The following NSUN7 variants were observed in gnomAD, a reference collection of about 807,000 sequenced individuals.
NSUN7 encodes the protein NOP2/Sun RNA methyltransferase family member 7.
Under a neutral mutation model 58.5 loss-of-function variants are expected in NSUN7, and 39 were observed. The observed-to-expected ratio is 0.67, with a 90% confidence interval of 0.52 to 0.87. The LOEUF is 0.87. NSUN7 is among the 40% of genes least tolerant of loss of function. The pLI is 0.00. For missense variants in NSUN7, 765 were observed against 844.1 expected, an observed-to-expected ratio of 0.91 and a Z score of 1.16; for synonymous variants, 278 against 303.7, an observed-to-expected ratio of 0.92 and a Z score of 0.88.
Position 40,810,943 on chromosome 4 carries a change from G to GA in NSUN7, c.*2008dup, listed in dbSNP as rs1268512294. ...TTCGGGCCCTCCACCATACCAGACT[G>GA]AAAAGTATTCCATTGTCCAGAAGTA... On this transcript the variant is annotated 3_prime_UTR_variant, in exon 12 of 12. Transcript: ENST00000381782. The GA allele has an allele frequency of 1.3e-5, 2 of 152,112 alleles. No individual in the cohort carries two copies. The highest frequency in any genetic ancestry group is 4.8e-5 in the African/African-American group (2 of 41,428). 9.4% of individuals were successfully genotyped at this position (152,112 alleles called of 1,614,324 possible).
At position 40,750,585 on chromosome 4, in the gene NSUN7, C is replaced by T; in HGVS notation, c.-91-18C>T. ...TGCAGAAAGAGTGATTTACTGCAAT[C>T]ACCTTCTCTCTTCACAGAGACCATG... is the stretch of plus-strand genomic sequence containing the variant. On this transcript the variant is annotated intron_variant, in intron 1 of 11. Coordinates refer to ENST00000381782, the MANE Select transcript of NSUN7 (RefSeq NM_024677.6). 3.0e-6 allele frequency: 4 copies of T among 1,323,126 alleles called. No individual in the cohort carries two copies. In the South Asian group the frequency reaches 5.6e-5, roughly 19 times the overall value. 82.0% of individuals were successfully genotyped at this position (1,323,126 alleles called of 1,614,324 possible). A position where few individuals can be genotyped will look rare whatever the true frequency, so the allele number is the denominator to read the frequency against.
chr4:40,810,444 G>A lies in NSUN7; in HGVS notation c.*1505G>A, dbSNP rs1482546291. The A allele has an allele frequency of 2.0e-5, 3 of 151,812 alleles. No homozygotes were observed. Among genetic ancestry groups the A allele is most frequent in the Non-Finnish European group, 4.4e-5 (3 of 67,976 alleles). The allele number at this position is 151,812 out of a possible 1,614,324, so 9.4% of individuals were successfully genotyped here. A position where few individuals can be genotyped will look rare whatever the true frequency, so the allele number is the denominator to read the frequency against. On this transcript the variant is annotated 3_prime_UTR_variant, in exon 12 of 12. Transcript: ENST00000381782. ...AATACAAAAATTAGCTGGGTGTGGT[G>A]GGACACGCCTGTAGTCCCAGCTACT...
intron 4 of NSUN7, among the ~76,000 whole-genome samples, chr4:40,765,819 A>G (rs1274266325): frequency 1.3e-5 from 2 of 152,108 alleles, no homozygotes; most frequent in Non-Finnish European, 2.9e-5. Flanking sequence ...TTGGATTCCT[A>G]GGTATTTTAT....
rs1189472467 is a variant in NSUN7 at position 40,750,930 on chromosome 4, C to T, written c.237C>T (p.Ser79=). The T allele has an allele frequency of 1.2e-6, 2 of 1,614,052 alleles. No homozygotes were observed. Among genetic ancestry groups the T allele is most frequent in the African/African-American group, 1.3e-5 (1 of 74,918 alleles). ...KYGNEPLRSL[S]ESEDQSFQRL... Reference sequence around the variant, plus strand: ...GGAATGAACCCCTGCGGTCCTTGTCCGAGTCTGAGGATCAGTCCTTTCAGC... The same window carrying T: ...GGAATGAACCCCTGCGGTCCTTGTCTGAGTCTGAGGATCAGTCCTTTCAGC... Residue 79 remains serine (S), a synonymous_variant, in exon 2 of 12, where the codon TCC becomes TCT. Transcript: ENST00000381782.
intron 7 of NSUN7, among the ~76,000 whole-genome samples, chr4:40,778,916 C>T (rs2154287892): frequency 6.6e-6 from 1 of 152,162 alleles, no homozygotes; most frequent in East Asian, 1.9e-4. Context: ...ATTTTTATAT[C>T]CACCAAAAAT....
chr4:40,803,473 G>A (rs571057486), intron 10 of NSUN7, among the ~76,000 whole-genome samples: 608 of 152,094 alleles, frequency 4.0e-3, no homozygotes, highest in Middle Eastern at 0.014. Flanking sequence ...TTTAATGATC[G>A]CCATTCTAAC....
rs1056782426 is a variant in NSUN7 at position 40,758,075 on chromosome 4, C to T, written c.299-2359C>T. 5.9e-5 allele frequency among the ~76,000 whole-genome samples: 9 copies of T among 152,122 alleles called. No individual in the cohort carries two copies. In the South Asian group the frequency reaches 1.2e-3, roughly 21 times the overall value. On this transcript the variant is annotated intron_variant, in intron 2 of 11. Coordinates refer to ENST00000381782, the MANE Select transcript of NSUN7 (RefSeq NM_024677.6). ...AGGTGGGATTAGAGGTGCGCCACCACGCCTGGATAATTTTTTGTATTTTTA... is the reference window on the plus strand; with the variant it reads ...AGGTGGGATTAGAGGTGCGCCACCATGCCTGGATAATTTTTTGTATTTTTA...
chr4:40,786,765 T>G (rs1183159070), intron 7 of NSUN7: 12 of 1,480,256 alleles, frequency 8.1e-6, no homozygotes, highest in African/African-American at 1.4e-5. Flanking sequence ...GGTCTGATTT[T>G]GACAAATAGA....
intron 9 of NSUN7, among the ~76,000 whole-genome samples, chr4:40,794,792 C>T (rs552424868): frequency 2.0e-5 from 3 of 152,232 alleles, no homozygotes; most frequent in South Asian, 4.2e-4. Context: ...ATTTCTTACT[C>T]GATATAATTT....
chr4:40,775,161 T>C lies in NSUN7; in HGVS notation c.825+211T>C. On this transcript the variant is annotated intron_variant, in intron 6 of 11. Transcript: ENST00000381782. This position sits in a 1 kb window ranked among gnomAD's most constrained non-coding sequence, Gnocchi z 4.3. ...GTCTCATGTGAATTTATAAAGAACA[T>C]ATTCTTCTCCCAGATTCCATGAATG... The C allele has an allele frequency of 3.8e-6, 1 of 262,010 alleles. No individual in the cohort carries two copies. Among genetic ancestry groups the C allele is most frequent in the Non-Finnish European group, 7.2e-6 (1 of 139,812 alleles). The allele number at this position is 262,010 out of a possible 1,614,324, so 16.2% of individuals were successfully genotyped here. A position where few individuals can be genotyped will look rare whatever the true frequency, so the allele number is the denominator to read the frequency against.
At chr4:40,759,047 C>T (rs1577543112) in intron 2 of NSUN7, among the ~76,000 whole-genome samples, 1 of 152,170 alleles carries the variant, frequency 6.6e-6, no homozygotes, top group South Asian at 2.1e-4. Context: ...CGGTGGCTCA[C>T]GCCTCTAATC....
rs180948940 is a variant in NSUN7 at position 40,757,552 on chromosome 4, A to T, written c.299-2882A>T. Among the ~76,000 whole-genome samples, 299 of 142,744 alleles carry T rather than the reference A, an allele frequency of 2.1e-3. 1 individual carries two copies. The highest frequency in any genetic ancestry group is 5.4e-3 in the African/African-American group (197 of 36,362). The allele number at this position is 142,744 out of a possible 152,430, so 93.6% of individuals were successfully genotyped here. ...AGGTAAAATTATATATATATATATA[A>T]AAATTATATATATATATAAATTGCA... On this transcript the variant is annotated intron_variant, in intron 2 of 11. Transcript: ENST00000381782.
Position 40,774,877 on chromosome 4 carries a change from T to A in NSUN7, c.752T>A (p.Leu251Ter). 1 of 1,390,066 alleles carries A rather than the reference T, an allele frequency of 7.2e-7. No individual in the cohort carries two copies. Among genetic ancestry groups the A allele is most frequent in the Non-Finnish European group, 1.0e-6 (1 of 977,398 alleles). 86.1% of individuals were successfully genotyped at this position (1,390,066 alleles called of 1,614,324 possible). ...FAVDQHCYDV[L>*]IFPSHLKNDL... Reference sequence around the variant, plus strand: ...GTGGATCAACATTGCTATGATGTCTTAATTTTTCCATCTCATCTTAAAAAT... The same window carrying A: ...GTGGATCAACATTGCTATGATGTCTAAATTTTTCCATCTCATCTTAAAAAT... Residue 251 changes from leucine (L) to a stop codon, truncating the protein, a stop_gained, in exon 6 of 12, where the codon TTA (leucine) becomes TAA (stop). Transcript: ENST00000381782. LOFTEE classifies it high-confidence loss of function.
intron 9 of NSUN7, among the ~76,000 whole-genome samples, chr4:40,796,277 T>G (rs1009236904): frequency 6.6e-6 from 1 of 152,066 alleles, no homozygotes; most frequent in Admixed American, 6.6e-5. Context: ...TCACTTGTTA[T>G]AGTGAGCTGA....
chr4:40,776,021 A>C, intron 6 of NSUN7, 28 bp from the exon 7 acceptor site: 1 of 1,428,624 alleles, frequency 7.0e-7, no homozygotes, highest in Non-Finnish European at 9.6e-7. Flanking sequence ...ATACCCTTTG[A>C]AATTCTAATC....
intron 4 of NSUN7, chr4:40,762,812 C>G (rs898817230): frequency 6.6e-6 from 1 of 151,064 alleles, no homozygotes; most frequent in African/African-American, 2.4e-5. Flanking sequence ...GTGAACTGCA[C>G]ATGGTGAGGG....
At chr4:40,751,080 C>T in intron 2 of NSUN7, 89 bp downstream of exon 2, 1 of 1,434,940 alleles carries the variant, frequency 7.0e-7, no homozygotes, top group Non-Finnish European at 9.5e-7. Context: ...CCCTTCCCCT[C>T]ATTCACACCA....
chr4:40,802,166 C>G (rs1402308366), intron 10 of NSUN7, among the ~76,000 whole-genome samples: 3 of 151,994 alleles, frequency 2.0e-5, no homozygotes, highest in Non-Finnish European at 2.9e-5. Context: ...ATAATCTTTC[C>G]TTGGCCCCCG....
chr4:40,808,764 C>T lies in NSUN7; in HGVS notation c.1982C>T (p.Ser661Leu), dbSNP rs1484624702. 1.3e-6 allele frequency: 2 copies of T among 1,549,870 alleles called. No individual in the cohort carries two copies. Among genetic ancestry groups the T allele is most frequent in the Admixed American group, 2.0e-5 (1 of 50,666 alleles). ...IVLPPVFMPF[S>L]SPQGIRSRMP... ...CTGCCTCCAGTCTTTATGCCATTTT[C>T]AAGTCCCCAAGGGATCAGATCTCGG... The change falls in exon 12 of 12, where the codon TCA (serine) becomes TTA (leucine). Residue 661 changes from serine to leucine, a missense_variant. By Grantham distance (145) the Ser-to-Leu change is moderately radical. Transcript: ENST00000381782.
Sources: gnomAD v4.1 joint callset for allele counts (sites outside exome capture counted in the v4.1 genomes callset) on GRCh38, gnomAD v4.1.1 for gene constraint, Gnocchi (gnomAD v3.1) non-coding constraint, MANE v1.5 for transcripts, NCBI Gene and HGNC (gene_info 2026-07-23, HGNC 2026-07-21) for gene names.